The following NR3C2 variants were observed in gnomAD, a reference collection of about 807,000 sequenced individuals.
The protein encoded by NR3C2 is mineralocorticoid receptor.
Under a neutral mutation model 86.4 loss-of-function variants are expected in NR3C2, and 15 were observed. The ratio of observed to expected loss-of-function variants is 0.17; its 90% confidence interval spans 0.12 to 0.27. NR3C2 has a LOEUF of 0.27. Ranked by LOEUF, NR3C2 falls within the 10% of genes least tolerant of loss-of-function variation. The probability of loss-of-function intolerance (pLI) is 1.00; values close to 1 mark genes in which losing one functional copy is unlikely to be tolerated. For missense variants in NR3C2, 960 were observed against 1,195.6 expected, an observed-to-expected ratio of 0.80 and a Z score of 2.91; for synonymous variants, 458 against 450.5, an observed-to-expected ratio of 1.02 and a Z score of -0.21.
At chr4:148,272,104 A>G (rs1023099604) in intron 2 of NR3C2, among the ~76,000 whole-genome samples, 1 of 152,218 alleles carries the variant, frequency 6.6e-6, no homozygotes, top group Non-Finnish European at 1.5e-5. Context: ...ATATGTATCA[A>G]CTAACCAAAC....
In NR3C2 at chr4:148,379,694, T is replaced by C. The variant is rs17024667; in HGVS notation, c.1757+55410A>G. 4.0e-3 allele frequency among the ~76,000 whole-genome samples: 610 copies of C among 152,362 alleles called. 5 individuals carry two copies. The highest frequency in any genetic ancestry group is 0.013 in the African/African-American group (549 of 41,576). On this transcript the variant is annotated intron_variant, in intron 2 of 8. Transcript: ENST00000358102. ...TAATAAATAAGCACCTTCCATTTTC[T>C]AATGATGCCAATGATAAAGAGAAAG... is the stretch of plus-strand genomic sequence containing the variant.
intron 2 of NR3C2, among the ~76,000 whole-genome samples, chr4:148,306,673 T>TA (rs940156051): frequency 1.3e-5 from 2 of 152,232 alleles, no homozygotes; most frequent in African/African-American, 2.4e-5. Flanking sequence ...ACTAAATGTT[T>TA]AAGTCCCCAA....
chr4:148,192,584 G>A (rs1736247289), intron 4 of NR3C2, among the ~76,000 whole-genome samples: 1 of 151,992 alleles, frequency 6.6e-6, no homozygotes, highest in African/African-American at 2.4e-5. Context: ...AGGGTGGATA[G>A]GGAAGGACCA....
At chr4:148,221,518 A>T (rs1440976579) in intron 3 of NR3C2, among the ~76,000 whole-genome samples, 3 of 152,248 alleles carry the variant, frequency 2.0e-5, no homozygotes, top group Non-Finnish European at 4.4e-5. Flanking sequence ...ATTTATCAAG[A>T]CTAGAAATGA....
At chr4:148,130,787 GTTTT>G (rs1220936053) in intron 6 of NR3C2, among the ~76,000 whole-genome samples, 7 of 128,480 alleles carry the variant, frequency 5.4e-5, no homozygotes, top group African/African-American at 1.8e-4. Context: ...CAATGAACAC[GTTTT>G]TTTTTTTGTT....
intron 2 of NR3C2, among the ~76,000 whole-genome samples, chr4:148,270,077 AT>A (rs11303019): frequency 0.63 from 91,995 of 145,856 alleles, 28,839 homozygotes; most frequent in East Asian, 0.85. Flanking sequence ...TGATTTCAGC[AT>A]TTTTTTTTTT....
chr4:148,200,422 G>A (rs1736664552), intron 3 of NR3C2, among the ~76,000 whole-genome samples: 1 of 150,534 alleles, frequency 6.6e-6, no homozygotes, highest in South Asian at 2.1e-4. Flanking sequence ...TGAACTAGAA[G>A]CTACAAGTTA....
intron 6 of NR3C2, among the ~76,000 whole-genome samples, chr4:148,148,844 GA>G (rs2149761038): frequency 6.6e-6 from 1 of 152,246 alleles, no homozygotes; most frequent in Non-Finnish European, 1.5e-5. Flanking sequence ...ATGAGAGAGG[GA>G]TTTTTTTTCT....
At chr4:148,330,774 G>A (rs1579168077) in intron 2 of NR3C2, among the ~76,000 whole-genome samples, 1 of 152,260 alleles carries the variant, frequency 6.6e-6, no homozygotes, top group African/African-American at 2.4e-5. Flanking sequence ...CTGGTGGGAG[G>A]TTGTCTGGAT....
chr4:148,219,516 T>C (rs775822466), intron 3 of NR3C2, among the ~76,000 whole-genome samples: 10 of 152,240 alleles, frequency 6.6e-5, no homozygotes, highest in Non-Finnish European at 1.2e-4. Flanking sequence ...TAATTATACT[T>C]AGACATTAAT....
chr4:148,410,669 A>T (rs1282094849), intron 2 of NR3C2, among the ~76,000 whole-genome samples: 2 of 152,206 alleles, frequency 1.3e-5, no homozygotes, highest in African/African-American at 4.8e-5. Flanking sequence ...AATCCCTAAA[A>T]GAATGTATTT....
At chr4:148,103,379 T>G (rs1324658785) in intron 8 of NR3C2, among the ~76,000 whole-genome samples, 2 of 152,180 alleles carry the variant, frequency 1.3e-5, no homozygotes, top group Non-Finnish European at 2.9e-5. Flanking sequence ...GCCTGTGCTG[T>G]GCCTGGCATG....
chr4:148,336,539 T>C (rs533040534), intron 2 of NR3C2, among the ~76,000 whole-genome samples: 8 of 152,218 alleles, frequency 5.3e-5, no homozygotes, highest in African/African-American at 9.6e-5. Context: ...GAGAGCATAA[T>C]TGGGGGCCTA....
intron 6 of NR3C2, among the ~76,000 whole-genome samples, chr4:148,143,947 C>CAAAAAAAAAAAAAAAAAAAAAAAAAAA: frequency 1.6e-5 from 1 of 64,426 alleles, no homozygotes; most frequent in Admixed American, 2.1e-4. Flanking sequence ...AACTCTGTCT[C>CAAAAAAAAAAAAAAAAAAAAAAAAAAA]AAAAAAAAAA....
chr4:148,350,354 A>C (rs943166045), intron 2 of NR3C2, among the ~76,000 whole-genome samples: 7 of 152,218 alleles, frequency 4.6e-5, no homozygotes, highest in African/African-American at 1.7e-4. Context: ...ACTAATGGGA[A>C]TGCTATTCAT....
intron 3 of NR3C2, among the ~76,000 whole-genome samples, chr4:148,206,173 C>T (rs1209702410): frequency 2.6e-5 from 4 of 152,102 alleles, no homozygotes; most frequent in Non-Finnish European, 5.9e-5. Flanking sequence ...TTTGGGAAGA[C>T]TTTGATTGGG....
At chr4:148,145,598 G>C (rs913186275) in intron 6 of NR3C2, among the ~76,000 whole-genome samples, 4 of 152,182 alleles carry the variant, frequency 2.6e-5, no homozygotes, top group African/African-American at 9.7e-5. Context: ...AATTGAGGTT[G>C]CTGCAGACCC....
At chr4:148,297,097 C>T (rs752175782) in intron 2 of NR3C2, among the ~76,000 whole-genome samples, 7 of 152,068 alleles carry the variant, frequency 4.6e-5, no homozygotes, top group Non-Finnish European at 7.4e-5. Context: ...AATGATCTTT[C>T]CATGAACACA....
intron 8 of NR3C2, among the ~76,000 whole-genome samples, chr4:148,094,961 A>G (rs1261804593): frequency 2.0e-5 from 3 of 152,164 alleles, no homozygotes; most frequent in Non-Finnish European, 4.4e-5. Context: ...AACAAATACT[A>G]TATGATTCCA....
Sources: gnomAD v4.1 joint callset for allele counts (sites outside exome capture counted in the v4.1 genomes callset) on GRCh38, gnomAD v4.1.1 for gene constraint, MANE v1.5 for transcripts, NCBI Gene and HGNC (gene_info 2026-07-23, HGNC 2026-07-21) for gene names.